SLC25A13: variants seen among roughly 807,000 people sequenced by gnomAD.
SLC25A13 encodes electrogenic aspartate/glutamate antiporter SLC25A13, mitochondrial.
A neutral mutation model predicts 85.5 loss-of-function variants in SLC25A13; 70 were observed. That is an observed-to-expected ratio of 0.82 (90% confidence interval 0.68 to 1.00). SLC25A13 has a LOEUF of 1.00. Among genes scored for constraint, SLC25A13 ranks in the 50% least tolerant of loss-of-function variants. The pLI, the probability that SLC25A13 is intolerant of heterozygous loss-of-function variation, is 0.00. For missense variants in SLC25A13, 765 were observed against 819.8 expected (o/e 0.93, Z 0.82); for synonymous variants, 259 against 288.7 (o/e 0.90, Z 1.04).
intron 5 of SLC25A13, among the ~76,000 whole-genome samples, chr7:96,206,945 G>A (rs1795485823): frequency 6.6e-6 from 1 of 152,078 alleles, no homozygotes; most frequent in African/African-American, 2.4e-5. Flanking sequence ...AGTTAATTAG[G>A]CTGTGTTCCA....
chr7:96,172,314 T>C (rs1323553670), intron 11 of SLC25A13, among the ~76,000 whole-genome samples: 3 of 151,984 alleles, frequency 2.0e-5, no homozygotes, highest in Admixed American at 1.3e-4. Context: ...TCCCAACACT[T>C]TGGGAGGCTG....
At chr7:96,177,923 TTCC>T (rs1483526870) in intron 11 of SLC25A13, among the ~76,000 whole-genome samples, 2 of 152,144 alleles carry the variant, frequency 1.3e-5, no homozygotes, top group Non-Finnish European at 2.9e-5. Flanking sequence ...CTGCTCCAAG[TTCC>T]TCCTCTGCCC....
intron 13 of SLC25A13, among the ~76,000 whole-genome samples, chr7:96,161,977 T>C (rs1311610635): frequency 1.3e-5 from 2 of 152,248 alleles, no homozygotes; most frequent in Non-Finnish European, 2.9e-5. Context: ...TAATGCATAA[T>C]GTATCTTGAT....
chr7:96,305,556 A>T (rs997447680), intron 1 of SLC25A13, among the ~76,000 whole-genome samples: 3 of 152,174 alleles, frequency 2.0e-5, no homozygotes, highest in Non-Finnish European at 4.4e-5. Context: ...GCAAGTGTCA[A>T]ATTACTACTG....
Position 96,321,947 on chromosome 7 carries a change from C to T in SLC25A13, c.10G>A (p.Ala4Thr). The T allele has an allele frequency of 1.9e-6, 3 of 1,541,138 alleles. No homozygotes were observed. Among genetic ancestry groups the T allele is most frequent in the Admixed American group, 2.0e-5 (1 of 51,138 alleles). ...GGCCTCGGGCCCGCGGTTACCTTGG[C>T]GGCCGCCATGATTCGCCCCGGTTGC... MAA[A>T]KVALTKRADP... Residue 4 changes from alanine (A) to threonine (T), a missense_variant, in exon 1 of 18, where the codon GCC (alanine) becomes ACC (threonine). By Grantham distance (58) the Ala-to-Thr change is moderately conservative. Coordinates refer to ENST00000265631, the MANE Select transcript of SLC25A13 (RefSeq NM_014251.3).
chr7:96,212,110 A>T (rs1795721199), intron 4 of SLC25A13, among the ~76,000 whole-genome samples: 1 of 152,056 alleles, frequency 6.6e-6, no homozygotes, highest in Admixed American at 6.6e-5. Flanking sequence ...GACCTAGGTC[A>T]TTCAGGGCTC....
intron 14 of SLC25A13, among the ~76,000 whole-genome samples, chr7:96,136,054 C>A (rs535195721): frequency 2.0e-5 from 3 of 152,098 alleles, no homozygotes; most frequent in East Asian, 3.9e-4. Context: ...ACACTAATAT[C>A]CAGACAGGGA....
chr7:96,321,915 TC>T (rs1800363694), intron 1 of SLC25A13, 26 bp downstream of exon 1: 22 of 1,523,992 alleles, frequency 1.4e-5, no homozygotes, highest in Admixed American at 6.1e-5. Context: ...GCAGGCGCGC[TC>T]CCCCCGGCCT....
At chr7:96,305,963 T>C (rs1462750166) in intron 1 of SLC25A13, among the ~76,000 whole-genome samples, 1 of 152,334 alleles carries the variant, frequency 6.6e-6, no homozygotes, top group Non-Finnish European at 1.5e-5. Context: ...ACCATCTCAC[T>C]TGAGTGAGCC....
At chr7:96,290,204 A>C (rs1799060727) in intron 2 of SLC25A13, among the ~76,000 whole-genome samples, 1 of 152,186 alleles carries the variant, frequency 6.6e-6, no homozygotes, top group African/African-American at 2.4e-5. Context: ...GAAATAAAAT[A>C]CTTTACAGAC....
intron 5 of SLC25A13, among the ~76,000 whole-genome samples, chr7:96,204,131 C>G (rs945794259): frequency 8.5e-5 from 13 of 152,088 alleles, no homozygotes; most frequent in African/African-American, 2.9e-4. Context: ...AAAATTTTAC[C>G]ATAGAGTAGG....
chr7:96,289,014 G>A (rs184900133), intron 2 of SLC25A13, among the ~76,000 whole-genome samples: 141 of 152,272 alleles, frequency 9.3e-4, no homozygotes, highest in African/African-American at 3.3e-3. Context: ...CCCCAGTAGG[G>A]GCAGATTGAC....
At chr7:96,266,193 G>A (rs2116908742) in intron 3 of SLC25A13, among the ~76,000 whole-genome samples, 1 of 152,264 alleles carries the variant, frequency 6.6e-6, no homozygotes, top group East Asian at 1.9e-4. Context: ...TTACTACTGT[G>A]CAAATAGTTT....
intron 11 of SLC25A13, among the ~76,000 whole-genome samples, chr7:96,172,141 C>T (rs1364642541): frequency 6.6e-6 from 1 of 152,176 alleles, no homozygotes. Context: ...CAGCCCTGCC[C>T]ACACTCTCTT....
chr7:96,301,199 C>G (rs1007735940), intron 1 of SLC25A13, among the ~76,000 whole-genome samples: 1 of 152,170 alleles, frequency 6.6e-6, no homozygotes, highest in Non-Finnish European at 1.5e-5. Flanking sequence ...GATTATTAGA[C>G]TTAGTTCATT....
intron 4 of SLC25A13, among the ~76,000 whole-genome samples, chr7:96,214,496 G>A (rs1795813444): frequency 6.6e-6 from 1 of 152,194 alleles, no homozygotes; most frequent in African/African-American, 2.4e-5. Flanking sequence ...GGAGGCCCAG[G>A]CAGGCGGATC....
At chr7:96,279,517 G>C (rs1798588159) in intron 2 of SLC25A13, among the ~76,000 whole-genome samples, 1 of 152,070 alleles carries the variant, frequency 6.6e-6, no homozygotes, top group Non-Finnish European at 1.5e-5. Flanking sequence ...TTGTGCAGGG[G>C]AACTCCCATT....
intron 2 of SLC25A13, among the ~76,000 whole-genome samples, chr7:96,291,053 A>G (rs1470331701): frequency 1.3e-5 from 2 of 152,222 alleles, no homozygotes; most frequent in Non-Finnish European, 2.9e-5. Flanking sequence ...AGCAAATGTA[A>G]AAGAACAGAA....
At chr7:96,317,757 T>C (rs1014052267) in intron 1 of SLC25A13, among the ~76,000 whole-genome samples, 28 of 151,520 alleles carry the variant, frequency 1.8e-4, no homozygotes, top group African/African-American at 6.5e-4. Context: ...CAATTCATTT[T>C]ATTTATTTTA....
Sources: allele counts gnomAD v4.1 joint callset (sites outside exome capture counted in the v4.1 genomes callset), GRCh38; gene constraint gnomAD v4.1.1; transcripts MANE v1.5; gene names NCBI Gene and HGNC (gene_info 2026-07-23, HGNC 2026-07-21).